Variants in MIPOL1 observed in about 807,000 individuals in gnomAD.
MIPOL1 encodes the protein mirror-image polydactyly gene 1 protein.
MIPOL1 carries 57 observed loss-of-function variants against 60.9 expected under a neutral mutation model. That is an observed-to-expected ratio of 0.94 (90% CI 0.76 to 1.17). The LOEUF (loss-of-function observed/expected upper bound fraction) is 1.17, where lower values mean the gene tolerates loss of function less well. Among genes scored for constraint, MIPOL1 ranks in the 50% most tolerant of loss-of-function variants. MIPOL1 has a pLI of 0.00. For synonymous variants in MIPOL1, 179 were observed against 168.8 expected, an observed-to-expected ratio of 1.06 and a Z score of -0.47; for missense variants, 551 against 511.6, an observed-to-expected ratio of 1.08 and a Z score of -0.74.
intron 11 of MIPOL1, among the ~76,000 whole-genome samples, chr14:37,437,026 A>G (rs1430216660): frequency 6.6e-6 from 1 of 152,050 alleles, no homozygotes; most frequent in African/African-American, 2.4e-5. Context: ...ACTATTCCAA[A>G]CCTAAGATGT....
chr14:37,498,164 A>C (rs901047282), intron 11 of MIPOL1, among the ~76,000 whole-genome samples: 4 of 152,186 alleles, frequency 2.6e-5, no homozygotes, highest in Admixed American at 1.3e-4. Flanking sequence ...ATTTTGATAA[A>C]GGTTGGATTA....
At chr14:37,246,786 T>G (rs1489882487) in intron 1 of MIPOL1, among the ~76,000 whole-genome samples, 1 of 152,128 alleles carries the variant, frequency 6.6e-6, no homozygotes, top group African/African-American at 2.4e-5. Context: ...AGCATTAAAA[T>G]GATTGTGCAA....
intron 3 of MIPOL1, among the ~76,000 whole-genome samples, chr14:37,252,918 A>G (rs936890920): frequency 2.0e-5 from 3 of 151,796 alleles, no homozygotes; most frequent in Non-Finnish European, 4.4e-5. Flanking sequence ...GGAAATGACA[A>G]ATTGCTTAGA....
intron 7 of MIPOL1, among the ~76,000 whole-genome samples, chr14:37,295,637 A>G (rs2153422433): frequency 6.6e-6 from 1 of 152,334 alleles, no homozygotes; most frequent in Middle Eastern, 3.4e-3. Flanking sequence ...AAACAAAAAA[A>G]GGCAGGGGTT....
At chr14:37,280,216 T>C (rs2083994472) in intron 6 of MIPOL1, among the ~76,000 whole-genome samples, 1 of 152,184 alleles carries the variant, frequency 6.6e-6, no homozygotes, top group Non-Finnish European at 1.5e-5. Context: ...AACTCATTTA[T>C]CTATTGTTTG....
At chr14:37,513,518 T>G (rs2095345520) in intron 12 of MIPOL1, among the ~76,000 whole-genome samples, 1 of 152,096 alleles carries the variant, frequency 6.6e-6, no homozygotes, top group Admixed American at 6.6e-5. Flanking sequence ...GGCTAACTCC[T>G]TTGTGCCAGG....
At chr14:37,347,408 G>T (rs536304605) in intron 9 of MIPOL1, among the ~76,000 whole-genome samples, 1 of 152,216 alleles carries the variant, frequency 6.6e-6, no homozygotes, top group South Asian at 2.1e-4. Flanking sequence ...ATAGAATCAA[G>T]AATCTTGAAT....
intron 7 of MIPOL1, among the ~76,000 whole-genome samples, chr14:37,293,687 A>G (rs1181493063): frequency 2.0e-5 from 3 of 152,280 alleles, no homozygotes; most frequent in Non-Finnish European, 4.4e-5. Flanking sequence ...GGAGGGTCCT[A>G]TGCCCACGGA....
At chr14:37,370,716 A>T (rs1380521150) in intron 10 of MIPOL1, among the ~76,000 whole-genome samples, 4 of 152,196 alleles carry the variant, frequency 2.6e-5, no homozygotes, top group African/African-American at 9.6e-5. Flanking sequence ...TAACTTTGTT[A>T]TATTTGTCTA....
chr14:37,531,495 T>C lies in MIPOL1; in HGVS notation c.1263-15410T>C, dbSNP rs143066107. ...ATATTAATATATTACTAGCATGATA[T>C]ATACTTATAAGCTAATAAGCAAATA... On this transcript the variant is annotated intron_variant, in intron 12 of 12. Transcript: ENST00000684589. Among the ~76,000 whole-genome samples the C allele has an allele frequency of 4.1e-3, 617 of 152,244 alleles. 10 individuals are homozygous for C. The highest frequency in any genetic ancestry group is 2.4e-3 in the Admixed American group (37 of 15,296).
At chr14:37,325,788 A>G (rs2089100595) in intron 9 of MIPOL1, among the ~76,000 whole-genome samples, 1 of 152,032 alleles carries the variant, frequency 6.6e-6, no homozygotes, top group African/African-American at 2.4e-5. Flanking sequence ...CCTTACCCCC[A>G]TTGGATAGTG....
At chr14:37,416,101 A>G (rs2093764355) in intron 10 of MIPOL1, among the ~76,000 whole-genome samples, 1 of 152,212 alleles carries the variant, frequency 6.6e-6, no homozygotes. Context: ...ATTAGATAAT[A>G]TAGTATAAGT....
intron 7 of MIPOL1, among the ~76,000 whole-genome samples, chr14:37,294,474 T>C (rs1056506512): frequency 3.3e-5 from 5 of 151,912 alleles, no homozygotes; most frequent in Non-Finnish European, 7.4e-5. Flanking sequence ...ACTTGACGAA[T>C]TGAGAGAGGA....
Position 37,224,609 on chromosome 14 carries a change from A to G in MIPOL1, c.-198-22494A>G, listed in dbSNP as rs189562908. On this transcript the variant is annotated intron_variant, in intron 1 of 12. Coordinates refer to ENST00000684589, the MANE Select transcript of MIPOL1 (RefSeq NM_001388067.1). ...TGGGGGAAACCACCCCCATGATTCA[A>G]TTATCTCCCATTGAGTCCCTCCTAC... Among the ~76,000 whole-genome samples the G allele has an allele frequency of 9.9e-5, 15 of 152,270 alleles. 1 individual carries two copies. Among genetic ancestry groups the G allele is most frequent in the South Asian group, 8.3e-4 (4 of 4,832 alleles).
At chr14:37,492,821 A>T (rs2095064437) in intron 11 of MIPOL1, among the ~76,000 whole-genome samples, 1 of 152,108 alleles carries the variant, frequency 6.6e-6, no homozygotes, top group Non-Finnish European at 1.5e-5. Flanking sequence ...GTTTAGCAGC[A>T]TCTTTAGCTT....
chr14:37,410,855 T>C (rs932148181), intron 10 of MIPOL1, among the ~76,000 whole-genome samples: 2 of 151,964 alleles, frequency 1.3e-5, no homozygotes, highest in Non-Finnish European at 2.9e-5. Flanking sequence ...TAGGGGGAAA[T>C]GGGATGATAA....
intron 11 of MIPOL1, among the ~76,000 whole-genome samples, chr14:37,447,970 G>A (rs2094362434): frequency 6.6e-6 from 1 of 152,086 alleles, no homozygotes; most frequent in South Asian, 2.1e-4. Context: ...GAGCAAGATT[G>A]GAGCCAAAGT....
intron 6 of MIPOL1, among the ~76,000 whole-genome samples, chr14:37,279,953 T>C (rs907483364): frequency 6.6e-6 from 1 of 152,098 alleles, no homozygotes; most frequent in East Asian, 1.9e-4. Context: ...TCCACCCTCA[T>C]CCCCAGCCTC....
Position 37,270,641 on chromosome 14 carries a change from C to CTTT in MIPOL1, c.493+133_493+135dup, listed in dbSNP as rs66866056. ...ATTTGCCAAAGGAGGGGAAGCTCTC[C>CTTT]TTTTTTTTTTTTTTTTTTTGGCTGC... is the stretch of plus-strand genomic sequence containing the variant. On this transcript the variant is annotated intron_variant, in intron 6 of 12. Transcript: ENST00000684589. 6.0e-3 allele frequency: 1,262 copies of CTTT among 211,680 alleles called. 6 individuals carry two copies. The highest frequency in any genetic ancestry group is 0.011 in the African/African-American group (358 of 32,948). The allele number at this position is 211,680 out of a possible 1,614,324, so 13.1% of individuals were successfully genotyped here.
Sources: allele counts gnomAD v4.1 joint callset (sites outside exome capture counted in the v4.1 genomes callset), GRCh38; gene constraint gnomAD v4.1.1; transcripts MANE v1.5; gene names NCBI Gene and HGNC (gene_info 2026-07-23, HGNC 2026-07-21).